Variants in PLEKHM3 observed in about 807,000 individuals in gnomAD.
PLEKHM3 encodes pleckstrin homology domain-containing family M member 3.
Under a neutral mutation model 81.8 loss-of-function variants are expected in PLEKHM3, and 45 were observed. That is an observed-to-expected ratio of 0.55 (90% CI 0.43 to 0.71). The LOEUF (loss-of-function observed/expected upper bound fraction) is 0.71, where lower values mean the gene tolerates loss of function less well. Among genes scored for constraint, PLEKHM3 ranks in the 30% least tolerant of loss-of-function variants. PLEKHM3 has a pLI of 0.00. For missense variants in PLEKHM3, 788 were observed against 924.3 expected (o/e 0.85, Z 1.91); for synonymous variants, 352 against 356.4 (o/e 0.99, Z 0.14).
At chr2:207,901,000 A>G (rs1474365773) in intron 6 of PLEKHM3, 10 of 449,380 alleles carry the variant, frequency 2.2e-5, no homozygotes, top group Non-Finnish European at 3.9e-5. Flanking sequence ...GACTCCCAGG[A>G]AAGTGATTTC....
chr2:207,858,497 T>C (rs2092448859), intron 7 of PLEKHM3, among the ~76,000 whole-genome samples: 1 of 151,804 alleles, frequency 6.6e-6, no homozygotes, highest in Admixed American at 6.6e-5. Context: ...TTTTTTTTTT[T>C]TTGAGACAGT....
intron 3 of PLEKHM3, among the ~76,000 whole-genome samples, chr2:207,957,550 T>C (rs1237369812): frequency 6.6e-6 from 1 of 151,958 alleles, no homozygotes; most frequent in Admixed American, 6.6e-5. Context: ...TACTAAAAAT[T>C]AGTTGGGTGT....
At chr2:207,919,841 G>A (rs1177769514) in intron 5 of PLEKHM3, among the ~76,000 whole-genome samples, 1 of 152,144 alleles carries the variant, frequency 6.6e-6, no homozygotes, top group Non-Finnish European at 1.5e-5. Context: ...GGGAAGGAGG[G>A]GGAAGGCAGT....
chr2:208,001,559 T>G lies in PLEKHM3; in HGVS notation c.81A>C (p.Leu27=). 6.2e-7 allele frequency: 1 copy of G among 1,614,224 alleles called. No homozygotes were observed. The highest frequency in any genetic ancestry group is 8.5e-7 in the Non-Finnish European group (1 of 1,180,046). Residue 27 remains leucine (L), a synonymous_variant, in exon 2 of 8, where the codon CTA becomes CTC. Transcript: ENST00000427836. ...EEFFSTLDSN[L]EKAVQQAEVY... ...CCTCTGCCTGCTGCACAGCCTTTTC[T>G]AGATTACTATCCAAAGTACTAAAGA... is the stretch of plus-strand genomic sequence containing the variant.
intron 3 of PLEKHM3, among the ~76,000 whole-genome samples, chr2:207,959,860 C>G (rs765334247): frequency 6.6e-6 from 1 of 152,164 alleles, no homozygotes; most frequent in African/African-American, 2.4e-5. Context: ...TGAATTTCTT[C>G]GTTTTCACCC....
chr2:207,964,887 AT>A (rs1690861798), intron 3 of PLEKHM3, among the ~76,000 whole-genome samples: 1 of 152,194 alleles, frequency 6.6e-6, no homozygotes, highest in Non-Finnish European at 1.5e-5. Flanking sequence ...CCACACCTCA[AT>A]TTCTGGGACT....
chr2:207,997,313 A>G (rs1189093528), intron 2 of PLEKHM3, among the ~76,000 whole-genome samples: 1 of 152,162 alleles, frequency 6.6e-6, no homozygotes, highest in Non-Finnish European at 1.5e-5. Flanking sequence ...TTCATCACCA[A>G]TTGAGACAGA....
rs1559196722 is a variant in PLEKHM3, at chr2:207,827,292, A to C, written c.*1027T>G. On this transcript the variant is annotated 3_prime_UTR_variant, in exon 8 of 8. Transcript: ENST00000427836. The stretch of plus-strand genomic sequence containing the variant: ...CAGGAAGAACAACGAGAAATAAAGC[A>C]CTTAAAATGAATAGGTAGGAACTGC... 1 of 152,184 alleles carries C rather than the reference A, an allele frequency of 6.6e-6. No homozygotes were observed. Among genetic ancestry groups the C allele is most frequent in the Admixed American group, 6.5e-5 (1 of 15,270 alleles). The allele number at this position is 152,184 out of a possible 1,614,324, so 9.4% of individuals were successfully genotyped here.
At chr2:207,914,187 T>TA (rs1288306108) in intron 5 of PLEKHM3, among the ~76,000 whole-genome samples, 5 of 151,530 alleles carry the variant, frequency 3.3e-5, no homozygotes, top group East Asian at 1.9e-4. Flanking sequence ...ACCCTATCTC[T>TA]AAAAAAAATA....
intron 2 of PLEKHM3, among the ~76,000 whole-genome samples, chr2:207,988,824 A>C (rs1043388948): frequency 6.6e-5 from 10 of 152,118 alleles, no homozygotes; most frequent in African/African-American, 2.4e-4. Flanking sequence ...ATATCATCTT[A>C]TAACCCTTGT....
At chr2:207,845,427 T>C (rs1242258262) in intron 7 of PLEKHM3, among the ~76,000 whole-genome samples, 5 of 152,214 alleles carry the variant, frequency 3.3e-5, no homozygotes, top group African/African-American at 1.2e-4. Context: ...TCAGGTTACT[T>C]ATTTACAGTC....
At chr2:208,004,268 A>G (rs1692419924) in intron 1 of PLEKHM3, among the ~76,000 whole-genome samples, 1 of 152,060 alleles carries the variant, frequency 6.6e-6, no homozygotes, top group Non-Finnish European at 1.5e-5. Context: ...TACAAAAATG[A>G]GCCAGTCATG....
chr2:207,905,046 G>C (rs1454258954), intron 6 of PLEKHM3, among the ~76,000 whole-genome samples: 4 of 151,984 alleles, frequency 2.6e-5, no homozygotes, highest in Admixed American at 2.0e-4. Context: ...GAAAATGTCT[G>C]TTTTGCTTTT....
intron 7 of PLEKHM3, among the ~76,000 whole-genome samples, chr2:207,846,903 G>C (rs1351624253): frequency 2.6e-5 from 4 of 152,024 alleles, no homozygotes; most frequent in Non-Finnish European, 5.9e-5. Flanking sequence ...AGAAATAATG[G>C]AGAATATTTT....
rs145488358 is a variant in PLEKHM3 at position 207,929,625 on chromosome 2, G to C, written c.1886+1301C>G. The stretch of plus-strand genomic sequence containing the variant: ...ATCTTTTAAAATTAAGATCTGCCTA[G>C]ACTTTATAAGAATAAATCCTGACCA... On this transcript the variant is annotated intron_variant, in intron 5 of 7. Transcript: ENST00000427836. 3.1e-4 allele frequency among the ~76,000 whole-genome samples: 47 copies of C among 152,218 alleles called. No individual in the cohort carries two copies. In the East Asian group the frequency reaches 7.3e-3, roughly 24 times the overall value.
chr2:207,926,369 G>T (rs1574413617), intron 5 of PLEKHM3, among the ~76,000 whole-genome samples: 1 of 152,118 alleles, frequency 6.6e-6, no homozygotes, highest in Admixed American at 6.5e-5. Flanking sequence ...ATGTCTGCTG[G>T]CCAAATCTGG....
At chr2:208,014,882 T>C (rs1333211038) in intron 1 of PLEKHM3, among the ~76,000 whole-genome samples, 2 of 152,222 alleles carry the variant, frequency 1.3e-5, no homozygotes, top group Non-Finnish European at 2.9e-5. Context: ...ACTCAAATAG[T>C]TGAATCAGGC....
chr2:207,919,364 C>T (rs1041609876), intron 5 of PLEKHM3, among the ~76,000 whole-genome samples: 2 of 151,884 alleles, frequency 1.3e-5, no homozygotes, highest in East Asian at 1.9e-4. Context: ...TTACTTGGAG[C>T]GAGAGGTGAA....
intron 7 of PLEKHM3, among the ~76,000 whole-genome samples, chr2:207,858,507 T>G (rs1004438558): frequency 6.6e-6 from 1 of 151,232 alleles, no homozygotes; most frequent in African/African-American, 2.4e-5. Context: ...TTTGAGACAG[T>G]TTTGCTGTTG....
Sources: allele counts gnomAD v4.1 joint callset (sites outside exome capture counted in the v4.1 genomes callset), GRCh38; gene constraint gnomAD v4.1.1; transcripts MANE v1.5; gene names NCBI Gene and HGNC (gene_info 2026-07-23, HGNC 2026-07-21).